Variants in ARHGAP18 observed in about 807,000 individuals in gnomAD.
The protein encoded by ARHGAP18 is rho GTPase-activating protein 18.
In ARHGAP18, 67 loss-of-function variants were observed where a neutral mutation model predicts 86.2. The observed-to-expected ratio is 0.78, with a 90% confidence interval of 0.64 to 0.95. The LOEUF (loss-of-function observed/expected upper bound fraction) is 0.95. ARHGAP18 is among the 40% of genes least tolerant of loss of function. The probability of loss-of-function intolerance (pLI) is 0.00; values close to 1 mark genes in which losing one functional copy is unlikely to be tolerated. For missense variants in ARHGAP18, 691 were observed against 780.4 expected, an observed-to-expected ratio of 0.89 and a Z score of 1.37; for synonymous variants, 283 against 280.4, an observed-to-expected ratio of 1.01 and a Z score of -0.09.
chr6:129,594,787 C>A (rs774267810), intron 12 of ARHGAP18, among the ~76,000 whole-genome samples: 15 of 152,164 alleles, frequency 9.9e-5, no homozygotes, highest in Non-Finnish European at 1.6e-4. Context: ...GGCTCACATT[C>A]TAAACTTCTT....
chr6:129,689,442 A>G lies in ARHGAP18; in HGVS notation c.113+20582T>C, dbSNP rs561534917. Among the ~76,000 whole-genome samples the G allele has an allele frequency of 3.9e-5, 6 of 152,104 alleles. No homozygotes were observed. The South Asian group carries it at 1.2e-3, about 32-fold the overall frequency. On this transcript the variant is annotated intron_variant, in intron 1 of 14. Coordinates refer to ENST00000368149, the MANE Select transcript of ARHGAP18 (RefSeq NM_033515.3). The stretch of plus-strand genomic sequence containing the variant: ...AGAGTAGCTTGGATTATGGGCATGC[A>G]CCTTCATGAACGGCTAATTTTTGTA...
chr6:129,651,181 T>G (rs1773704374), intron 1 of ARHGAP18, among the ~76,000 whole-genome samples: 2 of 151,858 alleles, frequency 1.3e-5, no homozygotes, highest in Non-Finnish European at 2.9e-5. Context: ...AAGAGAGGGA[T>G]GAAAAGCAGA....
Position 129,608,064 on chromosome 6 carries a change from GAAAAAAAAAAA to G in ARHGAP18, c.1123-23_1123-13del. 7 of 981,330 alleles carry G rather than the reference GAAAAAAAAAAA, an allele frequency of 7.1e-6. No individual in the cohort carries two copies. The South Asian group carries it at 9.2e-5, about 13-fold the overall frequency. 60.8% of individuals were successfully genotyped at this position (981,330 alleles called of 1,614,324 possible). On this transcript the variant is annotated splice_polypyrimidine_tract_variant and intron_variant, in intron 8 of 14. Coordinates refer to ENST00000368149, the MANE Select transcript of ARHGAP18 (RefSeq NM_033515.3). Reference sequence around the variant, plus strand: ...TCTTGGCAAAGATTCTGATAGGCACGAAAAAAAAAAAAAAAAAAAAAAGAAGCAGCTAGAAG... The same window carrying G: ...TCTTGGCAAAGATTCTGATAGGCACGAAAAAAAAAAAGAAGCAGCTAGAAG...
intron 12 of ARHGAP18, among the ~76,000 whole-genome samples, chr6:129,591,330 C>A (rs1040873550): frequency 6.6e-6 from 1 of 151,838 alleles, no homozygotes; most frequent in Non-Finnish European, 1.5e-5. Context: ...CTGTCTCCTG[C>A]TTTTTTTTCC....
intron 12 of ARHGAP18, among the ~76,000 whole-genome samples, chr6:129,585,516 G>T (rs1208289916): frequency 1.3e-5 from 2 of 152,186 alleles, no homozygotes; most frequent in Non-Finnish European, 2.9e-5. Context: ...TGTACAGTGA[G>T]TATGGGATTG....
intron 12 of ARHGAP18, among the ~76,000 whole-genome samples, chr6:129,586,338 A>C (rs552772264): frequency 6.6e-6 from 1 of 152,334 alleles, no homozygotes; most frequent in South Asian, 2.1e-4. Context: ...CTCAGTAAGC[A>C]CAACAATATT....
chr6:129,693,902 T>G (rs898197418), intron 1 of ARHGAP18, among the ~76,000 whole-genome samples: 2 of 141,892 alleles, frequency 1.4e-5, no homozygotes, highest in African/African-American at 4.9e-5. Flanking sequence ...GCCCCAGTTA[T>G]ACGAACAGCT....
intron 7 of ARHGAP18, among the ~76,000 whole-genome samples, chr6:129,615,679 G>A (rs2114466862): frequency 6.6e-6 from 1 of 152,292 alleles, no homozygotes; most frequent in African/African-American, 2.4e-5. Flanking sequence ...ATGGCTCAGA[G>A]GTTGGACGGA....
chr6:129,593,017 G>C (rs188793494), intron 12 of ARHGAP18, among the ~76,000 whole-genome samples: 1 of 152,138 alleles, frequency 6.6e-6, no homozygotes, highest in East Asian at 1.9e-4. Flanking sequence ...ATATACATAT[G>C]CATACACACA....
intron 1 of ARHGAP18, among the ~76,000 whole-genome samples, chr6:129,686,978 C>CTTTTTTTTTTTTTTTTTTTTTTTTTTTGT (rs71028176): frequency 9.4e-6 from 1 of 106,940 alleles, no homozygotes; most frequent in Non-Finnish European, 1.9e-5. Context: ...TTTTTTTTTT[C>CTTTTTTTTTTTTTTTTTTTTTTTTTTTGT]TTTTTTTTTT....
At chr6:129,585,502 A>G (rs985134169) in intron 12 of ARHGAP18, among the ~76,000 whole-genome samples, 2 of 152,198 alleles carry the variant, frequency 1.3e-5, no homozygotes, top group African/African-American at 4.8e-5. Flanking sequence ...ACACGATATA[A>G]GACTGTACAG....
chr6:129,628,699 G>A (rs1773097916), intron 5 of ARHGAP18, among the ~76,000 whole-genome samples: 1 of 152,092 alleles, frequency 6.6e-6, no homozygotes, highest in South Asian at 2.1e-4. Context: ...GAAACAATCA[G>A]AAAACTGATT....
At chr6:129,693,060 T>TC (rs1394569960) in intron 1 of ARHGAP18, among the ~76,000 whole-genome samples, 1 of 152,056 alleles carries the variant, frequency 6.6e-6, no homozygotes, top group Non-Finnish European at 1.5e-5. Flanking sequence ...TGTCCTTCTG[T>TC]CCCCCTGAAA....
At chr6:129,702,490 G>A (rs184486462) in intron 1 of ARHGAP18, among the ~76,000 whole-genome samples, 4 of 152,076 alleles carry the variant, frequency 2.6e-5, no homozygotes, top group Admixed American at 6.5e-5. Context: ...CAAAATATTC[G>A]TATGAAATGA....
intron 1 of ARHGAP18, among the ~76,000 whole-genome samples, chr6:129,656,425 G>A (rs1158529379): frequency 6.6e-6 from 1 of 152,134 alleles, no homozygotes; most frequent in Non-Finnish European, 1.5e-5. Flanking sequence ...GGTGGATCAC[G>A]AGGTCAGGAG....
chr6:129,634,487 C>T (rs1363548025), intron 3 of ARHGAP18, among the ~76,000 whole-genome samples: 3 of 151,968 alleles, frequency 2.0e-5, no homozygotes, highest in African/African-American at 4.8e-5. Context: ...TGGCTATAAA[C>T]AGAAATGAAG....
chr6:129,599,405 T>A, intron 11 of ARHGAP18, 49 bp from the exon 12 acceptor site: 1 of 1,381,274 alleles, frequency 7.2e-7, no homozygotes, highest in Non-Finnish European at 9.5e-7. Context: ...AATGCCACCA[T>A]TTTAAACTAC....
At chr6:129,632,604 A>G (rs1773241653) in intron 4 of ARHGAP18, among the ~76,000 whole-genome samples, 1 of 152,200 alleles carries the variant, frequency 6.6e-6, no homozygotes, top group African/African-American at 2.4e-5. Flanking sequence ...TAGCTATGCC[A>G]GCTTGCTTGC....
At chr6:129,648,519 C>A (rs1383058584) in intron 1 of ARHGAP18, among the ~76,000 whole-genome samples, 2 of 151,500 alleles carry the variant, frequency 1.3e-5, no homozygotes, top group Non-Finnish European at 2.9e-5. Context: ...CACTTGTAAT[C>A]CCACCACTTT....
Sources: allele counts gnomAD v4.1 joint callset (sites outside exome capture counted in the v4.1 genomes callset), GRCh38; gene constraint gnomAD v4.1.1; transcripts MANE v1.5; gene names NCBI Gene and HGNC (gene_info 2026-07-23, HGNC 2026-07-21).